Variants in GPR107 observed in about 807,000 individuals in gnomAD.
GPR107 encodes protein GPR107.
GPR107 carries 31 observed loss-of-function variants against 75.5 expected under a neutral mutation model. The observed-to-expected ratio is 0.41, with a 90% CI of 0.31 to 0.55. The LOEUF (loss-of-function observed/expected upper bound fraction) is 0.55, where lower values mean the gene tolerates loss of function less well. GPR107 is among the 20% of genes least tolerant of loss of function. The pLI, the probability that GPR107 is intolerant of heterozygous loss-of-function variation, is 0.26. For synonymous variants in GPR107, 267 were observed against 251.3 expected (o/e 1.06, Z -0.59); for missense variants, 572 against 665.7 (o/e 0.86, Z 1.55).
chr9:130,108,393 A>G (rs1292364531), intron 14 of GPR107, among the ~76,000 whole-genome samples: 1 of 152,268 alleles, frequency 6.6e-6, no homozygotes, highest in African/African-American at 2.4e-5. Flanking sequence ...CGGAAAATGC[A>G]TAGTAGCTGT....
intron 14 of GPR107, among the ~76,000 whole-genome samples, chr9:130,110,581 T>G (rs543304426): frequency 6.6e-6 from 1 of 152,324 alleles, no homozygotes; most frequent in African/African-American, 2.4e-5. Context: ...CTGAATTGAT[T>G]GAGGCTGTGA....
intron 14 of GPR107, among the ~76,000 whole-genome samples, chr9:130,117,040 G>A (rs1831442684): frequency 1.3e-5 from 2 of 151,706 alleles, no homozygotes; most frequent in Admixed American, 1.3e-4. Context: ...TCTGCCTCCT[G>A]GGTTCAAGCG....
At chr9:130,115,578 A>G (rs1564680841) in intron 14 of GPR107, among the ~76,000 whole-genome samples, 3 of 151,976 alleles carry the variant, frequency 2.0e-5, no homozygotes, top group Non-Finnish European at 2.9e-5. Flanking sequence ...CATCCTGGCT[A>G]ACACGGCGAA....
chr9:130,076,092 C>A (rs1389613412), intron 2 of GPR107, among the ~76,000 whole-genome samples: 1 of 152,084 alleles, frequency 6.6e-6, no homozygotes, highest in African/African-American at 2.4e-5. Context: ...GGGGTTTACT[C>A]TTTTAGCTTA....
At chr9:130,110,766 C>T (rs909201929) in intron 14 of GPR107, among the ~76,000 whole-genome samples, 29 of 149,280 alleles carry the variant, frequency 1.9e-4, no homozygotes, top group Non-Finnish European at 3.9e-4. Flanking sequence ...GTGAAGCTTG[C>T]GGGAAAGCGG....
chr9:130,057,322 C>T (rs926691544), intron 1 of GPR107, among the ~76,000 whole-genome samples: 8 of 151,664 alleles, frequency 5.3e-5, no homozygotes, highest in Non-Finnish European at 1.0e-4. Context: ...CTAGCCTGGG[C>T]GACAGAGCAA....
chr9:130,085,724 C>T (rs541045896), intron 6 of GPR107, among the ~76,000 whole-genome samples: 14 of 133,902 alleles, frequency 1.0e-4, no homozygotes, highest in Admixed American at 4.1e-4. Context: ...TTTCATTGCT[C>T]AGTTTTACTG....
chr9:130,057,933 G>A (rs1353903906), intron 1 of GPR107, among the ~76,000 whole-genome samples: 4 of 151,408 alleles, frequency 2.6e-5, no homozygotes, highest in Admixed American at 1.3e-4. Flanking sequence ...CGGTTCAAGC[G>A]ATCTCCTGCC....
intron 1 of GPR107, among the ~76,000 whole-genome samples, chr9:130,075,241 C>CTTT (rs149248581): frequency 5.9e-4 from 45 of 76,704 alleles, no homozygotes; most frequent in African/African-American, 2.0e-3. Flanking sequence ...TTTCTTTTAC[C>CTTT]TTTTTTTTTT....
chr9:130,104,838 G>A (rs965740528), intron 13 of GPR107, among the ~76,000 whole-genome samples: 2 of 152,214 alleles, frequency 1.3e-5, no homozygotes, highest in African/African-American at 4.8e-5. Context: ...GTAACTTAAA[G>A]TAGCAGCCTG....
At chr9:130,113,693 G>C (rs1490919734) in intron 14 of GPR107, among the ~76,000 whole-genome samples, 1 of 152,188 alleles carries the variant, frequency 6.6e-6, no homozygotes, top group Non-Finnish European at 1.5e-5. Flanking sequence ...CCATAGTCAT[G>C]CATGGGGGTA....
rs1381408665 is a variant in GPR107, at chr9:130,136,671, T to G, written c.*1550T>G. 1 of 152,222 alleles carries G rather than the reference T, an allele frequency of 6.6e-6. No homozygotes were observed. Among genetic ancestry groups the G allele is most frequent in the Non-Finnish European group, 1.5e-5 (1 of 68,034 alleles). The allele number at this position is 152,222 out of a possible 1,614,324, so 9.4% of individuals were successfully genotyped here. A position where few individuals can be genotyped will look rare whatever the true frequency, so the allele number is the denominator to read the frequency against. ...AAAAAGTCTCCATTCAGAACATGGTTGTTCTCCCTGTCCCATGCTATCTTA... is the reference window on the plus strand; with the variant it reads ...AAAAAGTCTCCATTCAGAACATGGTGGTTCTCCCTGTCCCATGCTATCTTA... On this transcript the variant is annotated 3_prime_UTR_variant, in exon 18 of 18. Coordinates refer to ENST00000347136, the MANE Select transcript of GPR107 (RefSeq NM_020960.5).
intron 12 of GPR107, among the ~76,000 whole-genome samples, 189 bp from the exon 13 acceptor site, chr9:130,104,231 G>C (rs72759129): frequency 0.079 from 11,984 of 152,248 alleles, 612 homozygotes; most frequent in East Asian, 0.14. Context: ...TGCAGATTCA[G>C]GGGGGTGGCA....
intron 1 of GPR107, among the ~76,000 whole-genome samples, chr9:130,057,764 C>G (rs751407374): frequency 2.6e-5 from 4 of 151,592 alleles, no homozygotes; most frequent in Non-Finnish European, 5.9e-5. Context: ...TCTGGCTTTC[C>G]CAGTCTTCTC....
At chr9:130,064,043 T>A (rs1450780696) in intron 1 of GPR107, among the ~76,000 whole-genome samples, 1 of 151,386 alleles carries the variant, frequency 6.6e-6, no homozygotes, top group African/African-American at 2.4e-5. Context: ...GACCTCAGGT[T>A]AGGGAGGGTT....
At position 130,103,192 on chromosome 9, in the gene GPR107, T is replaced by C. The variant is rs1315840581; in HGVS notation, c.1132-1228T>C. ...GGAAGGACCCAGAAGCTGGGGGTCATTGGAGAGGCTGAAATTTCAGATAAT... is the reference window on the plus strand; with the variant it reads ...GGAAGGACCCAGAAGCTGGGGGTCACTGGAGAGGCTGAAATTTCAGATAAT... On this transcript the variant is annotated intron_variant, in intron 12 of 17. Transcript: ENST00000347136. This position sits in a 1 kb window ranked among gnomAD's most constrained non-coding sequence, Gnocchi z 4.3. Among the ~76,000 whole-genome samples, 3 of 152,266 alleles carry C rather than the reference T, an allele frequency of 2.0e-5. No individual in the cohort carries two copies. The highest frequency in any genetic ancestry group is 6.5e-5 in the Admixed American group (1 of 15,272).
Position 130,103,150 on chromosome 9 carries a change from C to T in GPR107, c.1132-1270C>T, listed in dbSNP as rs952123639. ...AGTGTTTTGGATAGACAGGGCTTCA[C>T]GAGCAGTGTGGGACAGGGAAGGACC... On this transcript the variant is annotated intron_variant, in intron 12 of 17. Coordinates refer to ENST00000347136, the MANE Select transcript of GPR107 (RefSeq NM_020960.5). The surrounding 1 kb of genome is among the most constrained non-coding windows in gnomAD (Gnocchi z 4.3). Among the ~76,000 whole-genome samples, 2 of 152,036 alleles carry T rather than the reference C, an allele frequency of 1.3e-5. No homozygotes were observed. Among genetic ancestry groups the T allele is most frequent in the Non-Finnish European group, 2.9e-5 (2 of 68,022 alleles).
rs1359209887 is a variant in GPR107 at position 130,100,717 on chromosome 9, C to G, written c.1013+15C>G. 1.9e-6 allele frequency: 3 copies of G among 1,559,196 alleles called. No individual in the cohort carries two copies. In the East Asian group the frequency reaches 6.7e-5, roughly 35 times the overall value. On this transcript the variant is annotated intron_variant, in intron 11 of 17. Coordinates refer to ENST00000347136, the MANE Select transcript of GPR107 (RefSeq NM_020960.5). ...ATAACTCACCTGTAAGTATGCAGGTCCATGTGAAATACACCATGAAATGAC... is the reference window on the plus strand; with the variant it reads ...ATAACTCACCTGTAAGTATGCAGGTGCATGTGAAATACACCATGAAATGAC...
chr9:130,070,486 T>G (rs1342731545), intron 1 of GPR107, among the ~76,000 whole-genome samples: 1 of 152,074 alleles, frequency 6.6e-6, no homozygotes, highest in Non-Finnish European at 1.5e-5. Flanking sequence ...GTATTTTTTG[T>G]AGAGATGAGG....
Sources: allele counts gnomAD v4.1 joint callset (sites outside exome capture counted in the v4.1 genomes callset), GRCh38; gene constraint gnomAD v4.1.1; non-coding constraint Gnocchi (gnomAD v3.1); transcripts MANE v1.5; gene names NCBI Gene and HGNC (gene_info 2026-07-23, HGNC 2026-07-21).